The following DPYD variants were observed in gnomAD, a reference collection of about 807,000 sequenced individuals.
The protein encoded by DPYD is dihydropyrimidine dehydrogenase [NADP(+)].
In DPYD, 109 loss-of-function variants were observed where a neutral mutation model predicts 116.2. The observed-to-expected ratio is 0.94, with a 90% CI of 0.80 to 1.10. The LOEUF is 1.10. Among genes scored for constraint, DPYD ranks in the 50% least tolerant of loss-of-function variants. DPYD has a pLI of 0.00. For missense variants in DPYD, 1,302 were observed against 1,254.5 expected (o/e 1.04, Z -0.57); for synonymous variants, 440 against 432.0 (o/e 1.02, Z -0.23).
intron 5 of DPYD, among the ~76,000 whole-genome samples, chr1:97,715,919 T>C (rs1403078892): frequency 6.6e-6 from 1 of 152,104 alleles, no homozygotes; most frequent in East Asian, 1.9e-4. Context: ...AATAGAGTTG[T>C]AGAATACAAA....
chr1:97,875,925 G>A (rs1233945555), intron 2 of DPYD, among the ~76,000 whole-genome samples: 1 of 151,898 alleles, frequency 6.6e-6, no homozygotes, highest in Admixed American at 6.6e-5. Context: ...TTTTTAAAAT[G>A]TATGTATGCC....
chr1:97,671,827 A>G (rs1385986863), intron 8 of DPYD, among the ~76,000 whole-genome samples: 1 of 152,002 alleles, frequency 6.6e-6, no homozygotes, highest in East Asian at 1.9e-4. Flanking sequence ...GGAAAACTAT[A>G]TACTATAAAT....
intron 20 of DPYD, among the ~76,000 whole-genome samples, chr1:97,130,495 G>A (rs984722233): frequency 1.3e-5 from 2 of 152,042 alleles, no homozygotes; most frequent in African/African-American, 2.4e-5. Flanking sequence ...GCTGCTCAGA[G>A]TATTATTTTT....
intron 8 of DPYD, among the ~76,000 whole-genome samples, chr1:97,623,940 AC>A (rs745826186): frequency 2.5e-4 from 38 of 152,092 alleles, no homozygotes; most frequent in Non-Finnish European, 4.9e-4. Flanking sequence ...ATGTAGAAGA[AC>A]AAAATTTGAC....
intron 8 of DPYD, among the ~76,000 whole-genome samples, chr1:97,634,413 T>A (rs1657445574): frequency 6.6e-6 from 1 of 152,078 alleles, no homozygotes; most frequent in South Asian, 2.1e-4. Flanking sequence ...CACTGGCTTT[T>A]ATCAAAATGA....
intron 8 of DPYD, among the ~76,000 whole-genome samples, chr1:97,632,989 C>T (rs191398413): frequency 4.9e-4 from 75 of 152,148 alleles, no homozygotes; most frequent in Admixed American, 1.5e-3. Context: ...CAGAAACACA[C>T]GTAATCTTAG....
intron 20 of DPYD, among the ~76,000 whole-genome samples, chr1:97,151,373 C>G (rs185177854): frequency 1.7e-4 from 26 of 152,126 alleles, no homozygotes; most frequent in African/African-American, 6.3e-4. Context: ...GAAAGATTAT[C>G]TGGGGCTGGG....
chr1:97,393,734 T>C (rs1257839750), intron 14 of DPYD, among the ~76,000 whole-genome samples: 19 of 152,158 alleles, frequency 1.2e-4, no homozygotes. Context: ...CTATTGTGAA[T>C]AGTGCCACAA....
intron 4 of DPYD, among the ~76,000 whole-genome samples, chr1:97,724,644 G>T (rs997510705): frequency 1.3e-5 from 2 of 151,392 alleles, no homozygotes; most frequent in Non-Finnish European, 3.0e-5. Context: ...CTGATTAGAT[G>T]AGGCTCACCT....
intron 20 of DPYD, among the ~76,000 whole-genome samples, chr1:97,145,266 G>A (rs1176791436): frequency 3.3e-5 from 5 of 151,962 alleles, no homozygotes; most frequent in Non-Finnish European, 5.9e-5. Flanking sequence ...CAAAATAATA[G>A]ACCAAAGGTT....
At position 97,530,214 on chromosome 1, in the gene DPYD, C is replaced by T. The variant is rs2786516; in HGVS notation, c.1525-14273G>A. ...TATACATCAGAATTTCTTTTTTTTT[C>T]TTTTTTTTTTTTTTTTTTTTTGAGA... On this transcript the variant is annotated intron_variant, in intron 12 of 22. Transcript: ENST00000370192. 2.6e-3 allele frequency among the ~76,000 whole-genome samples: 289 copies of T among 112,654 alleles called. 2 individuals carry two copies. The highest frequency in any genetic ancestry group is 8.7e-3 in the African/African-American group (262 of 30,004). The allele number at this position is 112,654 out of a possible 152,430, so 73.9% of individuals were successfully genotyped here.
chr1:97,307,040 T>C (rs1667215587), intron 16 of DPYD, among the ~76,000 whole-genome samples: 1 of 151,908 alleles, frequency 6.6e-6, no homozygotes, highest in South Asian at 2.1e-4. Context: ...TTCCAGGCTC[T>C]TATTTTCTCA....
Position 97,514,313 on chromosome 1 carries a change from C to T in DPYD, c.1740+1413G>A, listed in dbSNP as rs946976826. 12 of 874,556 alleles carry T rather than the reference C, an allele frequency of 1.4e-5. No individual in the cohort carries two copies. The Admixed American group carries it at 2.5e-4, about 18-fold the overall frequency. The allele number at this position is 874,556 out of a possible 1,614,324, so 54.2% of individuals were successfully genotyped here. ...TTAATCAGAATTCAATTATTGCAAG[C>T]GAAGAAAACATCAAATTCAAAGCAG... On this transcript the variant is annotated intron_variant, in intron 13 of 22. Transcript: ENST00000370192.
At chr1:97,757,866 T>G (rs888154033) in intron 3 of DPYD, among the ~76,000 whole-genome samples, 17 of 152,134 alleles carry the variant, frequency 1.1e-4, no homozygotes, top group Admixed American at 5.9e-4. Context: ...TACAATCTCT[T>G]TAGGAAAAAA....
At chr1:97,739,872 C>T (rs1258536537) in intron 4 of DPYD, among the ~76,000 whole-genome samples, 1 of 151,898 alleles carries the variant, frequency 6.6e-6, no homozygotes, top group Non-Finnish European at 1.5e-5. Context: ...TCTACTCATG[C>T]CCATATAAGC....
At chr1:97,138,617 C>T (rs895605086) in intron 20 of DPYD, among the ~76,000 whole-genome samples, 2 of 139,748 alleles carry the variant, frequency 1.4e-5, no homozygotes, top group Non-Finnish European at 3.2e-5. Context: ...CATTCTTTTG[C>T]ATTTTTCTCG....
chr1:97,574,904 T>C (rs1653165024), intron 10 of DPYD, among the ~76,000 whole-genome samples: 1 of 152,126 alleles, frequency 6.6e-6, no homozygotes, highest in Admixed American at 6.6e-5. Flanking sequence ...ACTGAGGTTG[T>C]GTGTATGAGG....
At chr1:97,341,629 T>C (rs1485611358) in intron 16 of DPYD, among the ~76,000 whole-genome samples, 2 of 152,208 alleles carry the variant, frequency 1.3e-5, no homozygotes, top group African/African-American at 2.4e-5. Flanking sequence ...AAATTAAGGA[T>C]CCTTATTTCC....
intron 8 of DPYD, among the ~76,000 whole-genome samples, chr1:97,603,875 C>A (rs1287648277): frequency 6.6e-6 from 1 of 152,068 alleles, no homozygotes; most frequent in Admixed American, 6.6e-5. Flanking sequence ...AAACAGTTTC[C>A]TTTGAAGTAA....
Sources: gnomAD v4.1 joint callset for allele counts (sites outside exome capture counted in the v4.1 genomes callset) on GRCh38, gnomAD v4.1.1 for gene constraint, MANE v1.5 for transcripts, NCBI Gene and HGNC (gene_info 2026-07-23, HGNC 2026-07-21) for gene names.